Variants in DCLK2 observed in about 807,000 individuals in gnomAD.
DCLK2 encodes serine/threonine-protein kinase DCLK2.
In DCLK2, 31 loss-of-function variants were observed where a neutral mutation model predicts 78.4. That is an observed-to-expected ratio of 0.40 (90% CI 0.30 to 0.53). DCLK2 has a LOEUF of 0.53. Among genes scored for constraint, DCLK2 ranks in the 20% least tolerant of loss-of-function variants. DCLK2 has a pLI of 0.61. For missense variants in DCLK2, 872 were observed against 973.7 expected, an observed-to-expected ratio of 0.90 and a Z score of 1.39; for synonymous variants, 407 against 374.9, an observed-to-expected ratio of 1.09 and a Z score of -0.99.
intron 5 of DCLK2, among the ~76,000 whole-genome samples, chr4:150,211,614 C>G (rs1035592581): frequency 6.6e-5 from 10 of 152,170 alleles, no homozygotes; most frequent in Admixed American, 3.3e-4. Context: ...TGTCCATCCT[C>G]TTTTTTGAGG....
At chr4:150,179,581 C>A (rs1224004309) in intron 2 of DCLK2, among the ~76,000 whole-genome samples, 1 of 152,012 alleles carries the variant, frequency 6.6e-6, no homozygotes, top group Non-Finnish European at 1.5e-5. Flanking sequence ...AAACAGACAC[C>A]AAAAGGGTTG....
In DCLK2 at chr4:150,102,725, C is replaced by T; in HGVS notation, c.669C>T (p.Ser223=). ...RILLNKKTAH[S]FEQVLTDITE... ...TTCTGAATAAAAAGACTGCTCATTC[C>T]TTTGAACAAGTCTTAACAGATATCA... is the stretch of plus-strand genomic sequence containing the variant. Residue 223 remains serine (S), a synonymous_variant, in exon 2 of 16, where the codon TCC becomes TCT. Transcript: ENST00000296550. 1 of 1,614,108 alleles carries T rather than the reference C, an allele frequency of 6.2e-7. No individual in the cohort carries two copies. Among genetic ancestry groups the T allele is most frequent in the South Asian group, 1.1e-5 (1 of 91,086 alleles).
chr4:150,206,913 T>C (rs1739886646), intron 5 of DCLK2, among the ~76,000 whole-genome samples: 1 of 152,212 alleles, frequency 6.6e-6, no homozygotes, highest in African/African-American at 2.4e-5. Flanking sequence ...TACTTTACTG[T>C]ACCAAATACC....
In DCLK2 at chr4:150,175,148, T is replaced by C. The variant is rs943369276; in HGVS notation, c.757-17990T>C. ...ATATATATATAATTTATGTATATTT[T>C]ATATATATTTATAATTTATATATAT... On this transcript the variant is annotated intron_variant, in intron 2 of 15. Coordinates refer to ENST00000296550, the MANE Select transcript of DCLK2 (RefSeq NM_001040260.4). Among the ~76,000 whole-genome samples the C allele has an allele frequency of 3.0e-5, 4 of 133,140 alleles. 1 individual carries two copies. Among genetic ancestry groups the C allele is most frequent in the African/African-American group, 1.1e-4 (4 of 35,248 alleles). 87.3% of individuals were successfully genotyped at this position (133,140 alleles called of 152,430 possible).
chr4:150,117,434 G>C (rs1482497165), intron 2 of DCLK2, among the ~76,000 whole-genome samples: 1 of 152,228 alleles, frequency 6.6e-6, no homozygotes, highest in Non-Finnish European at 1.5e-5. Context: ...CCATGAAGCA[G>C]GGGTGCCCAG....
intron 4 of DCLK2, among the ~76,000 whole-genome samples, chr4:150,199,742 A>G (rs563563154): frequency 6.6e-6 from 1 of 152,364 alleles, no homozygotes; most frequent in African/African-American, 2.4e-5. Context: ...TAAAACTGAG[A>G]AAGCTAATAT....
intron 1 of DCLK2, among the ~76,000 whole-genome samples, chr4:150,081,626 G>C (rs894588499): frequency 2.0e-5 from 3 of 152,050 alleles, no homozygotes; most frequent in Non-Finnish European, 4.4e-5. Context: ...AACTCTCTCT[G>C]ACAATGGGTC....
At chr4:150,133,881 G>A (rs900682914) in intron 2 of DCLK2, among the ~76,000 whole-genome samples, 1 of 152,090 alleles carries the variant, frequency 6.6e-6, no homozygotes, top group African/African-American at 2.4e-5. Flanking sequence ...TAGGAAAAGG[G>A]TTCTAAGGTC....
At chr4:150,242,737 A>C (rs890879128) in intron 12 of DCLK2, among the ~76,000 whole-genome samples, 11 of 152,334 alleles carry the variant, frequency 7.2e-5, no homozygotes, top group African/African-American at 2.6e-4. Context: ...GCACTTCCTC[A>C]GCCTCTGCTC....
chr4:150,221,972 G>GTTTA (rs754540919), intron 7 of DCLK2, among the ~76,000 whole-genome samples, 187 bp downstream of exon 7: 7,441 of 150,208 alleles, frequency 0.05, 208 homozygotes, highest in Non-Finnish European at 0.061. Context: ...TTGTTTGTTT[G>GTTTA]TTTGTTTATT....
chr4:150,102,911 A>G (rs1172685022), intron 2 of DCLK2, 99 bp downstream of exon 2: 4 of 1,145,610 alleles, frequency 3.5e-6, no homozygotes, highest in Non-Finnish European at 4.8e-6. Flanking sequence ...GTGTGCTAGA[A>G]ATCCTTCTGG....
chr4:150,150,873 A>C (rs561873710), intron 2 of DCLK2, among the ~76,000 whole-genome samples: 1 of 152,380 alleles, frequency 6.6e-6, no homozygotes, highest in South Asian at 2.1e-4. Flanking sequence ...GCTGAAATAA[A>C]GGAGGGCAGC....
chr4:150,167,173 T>C (rs993137520), intron 2 of DCLK2, among the ~76,000 whole-genome samples: 6 of 152,070 alleles, frequency 3.9e-5, no homozygotes, highest in African/African-American at 2.4e-5. Context: ...AAAAAAAATA[T>C]CTGTTTCAAT....
intron 2 of DCLK2, among the ~76,000 whole-genome samples, chr4:150,158,963 C>T (rs370118025): frequency 5.9e-5 from 9 of 151,964 alleles, no homozygotes; most frequent in East Asian, 3.9e-4. Flanking sequence ...TCATGAATAG[C>T]GTAGTATTTA....
chr4:150,219,524 G>A (rs1445387521), intron 5 of DCLK2, among the ~76,000 whole-genome samples: 1 of 152,030 alleles, frequency 6.6e-6, no homozygotes, highest in Non-Finnish European at 1.5e-5. Flanking sequence ...GCCTCCCAAA[G>A]TGCTGGGATT....
chr4:150,162,830 A>G (rs1336666887), intron 2 of DCLK2, among the ~76,000 whole-genome samples: 1 of 152,112 alleles, frequency 6.6e-6, no homozygotes, highest in Non-Finnish European at 1.5e-5. Flanking sequence ...TGGGACATTG[A>G]TAAGTTTAAC....
intron 2 of DCLK2, among the ~76,000 whole-genome samples, chr4:150,134,594 C>G (rs1227081950): frequency 4.6e-5 from 7 of 151,952 alleles, no homozygotes; most frequent in African/African-American, 7.3e-5. Flanking sequence ...TGATTTTTTT[C>G]TTTGGTCTAA....
At chr4:150,163,554 CTT>C (rs1735859141) in intron 2 of DCLK2, among the ~76,000 whole-genome samples, 1 of 152,150 alleles carries the variant, frequency 6.6e-6, no homozygotes, top group Non-Finnish European at 1.5e-5. Flanking sequence ...CATTATATAA[CTT>C]AATCTCTCTG....
intron 5 of DCLK2, among the ~76,000 whole-genome samples, chr4:150,207,414 T>C (rs1339978418): frequency 1.3e-5 from 2 of 152,184 alleles, no homozygotes; most frequent in Non-Finnish European, 2.9e-5. Context: ...GTAGGGGCAT[T>C]GAAAGAACTG....
Sources: allele counts gnomAD v4.1 joint callset (sites outside exome capture counted in the v4.1 genomes callset), GRCh38; gene constraint gnomAD v4.1.1; transcripts MANE v1.5; gene names NCBI Gene and HGNC (gene_info 2026-07-23, HGNC 2026-07-21).